The following TWIST2 variants were observed in gnomAD, a reference collection of about 807,000 sequenced individuals.
TWIST2 encodes the protein twist family bHLH transcription factor 2.
A neutral mutation model predicts 11.6 loss-of-function variants in TWIST2; 1 was observed. That is an observed-to-expected ratio of 0.09 (90% confidence interval 0.03 to 0.41). TWIST2 has a LOEUF of 0.41. TWIST2 is among the 10% of genes least tolerant of loss of function. The probability of loss-of-function intolerance (pLI) is 0.98; values close to 1 mark genes in which losing one functional copy is unlikely to be tolerated. For synonymous variants in TWIST2, 87 were observed against 96.6 expected (o/e 0.90, Z 0.58); for missense variants, 168 against 226.4 (o/e 0.74, Z 1.66).
At chr2:238,868,280 G>A (rs1692579663) in intron 1 of TWIST2, among the ~76,000 whole-genome samples, 1 of 152,188 alleles carries the variant, frequency 6.6e-6, no homozygotes, top group African/African-American at 2.4e-5. Context: ...ACAAGCTGGT[G>A]AGCTCCAGGT....
At chr2:238,905,950 C>CAT (rs1693344881) in intron 1 of TWIST2, among the ~76,000 whole-genome samples, 1 of 119,460 alleles carries the variant, frequency 8.4e-6, no homozygotes, top group African/African-American at 3.2e-5. Flanking sequence ...TGTGCGCGCG[C>CAT]GTGTGTACGT....
chr2:238,892,066 C>G (rs35291227), intron 1 of TWIST2, among the ~76,000 whole-genome samples: 27,021 of 152,132 alleles, frequency 0.18, 2,849 homozygotes, highest in African/African-American at 0.29. Context: ...CTGTTATGTG[C>G]CGGTGTGTGG....
chr2:238,899,222 G>A (rs1693241639), intron 1 of TWIST2, among the ~76,000 whole-genome samples: 1 of 152,228 alleles, frequency 6.6e-6, no homozygotes, highest in African/African-American at 2.4e-5. Flanking sequence ...GTTTCTCTCT[G>A]CTTTCTTCAT....
chr2:238,870,148 AC>A (rs1692626289), intron 1 of TWIST2, among the ~76,000 whole-genome samples: 1 of 108,406 alleles, frequency 9.2e-6, no homozygotes, highest in Non-Finnish European at 1.9e-5. Flanking sequence ...CACCCCATAC[AC>A]ACCACACCCC....
At chr2:238,875,707 C>T (rs925504959) in intron 1 of TWIST2, among the ~76,000 whole-genome samples, 3 of 152,176 alleles carry the variant, frequency 2.0e-5, no homozygotes, top group Non-Finnish European at 2.9e-5. Context: ...CAGACAAATT[C>T]CCATGATGTC....
rs1574768429 is a variant in TWIST2, at chr2:238,901,037, T to G, written c.*36-8805T>G. Among the ~76,000 whole-genome samples, 3 of 147,402 alleles carry G rather than the reference T, an allele frequency of 2.0e-5. No homozygotes were observed. The Admixed American group carries it at 2.0e-4, about 10-fold the overall frequency. ...CTCCATTGCCCAGGCTGGAGTACAG[T>G]GGCAATCTCAGCTCACTGCAACTTC... On this transcript the variant is annotated intron_variant, in intron 1 of 1. Transcript: ENST00000612363.
At chr2:238,894,867 C>T (rs1693189698) in intron 1 of TWIST2, among the ~76,000 whole-genome samples, 1 of 152,186 alleles carries the variant, frequency 6.6e-6, no homozygotes, top group Non-Finnish European at 1.5e-5. Flanking sequence ...CTTTTAATCT[C>T]TGTATTATAA....
At chr2:238,879,091 C>A (rs2106363468) in intron 1 of TWIST2, among the ~76,000 whole-genome samples, 1 of 152,376 alleles carries the variant, frequency 6.6e-6, no homozygotes, top group Admixed American at 6.5e-5. Flanking sequence ...GGCAAGCTGA[C>A]TGAGGTTGTC....
At chr2:238,862,092 G>A (rs1037742190) in intron 1 of TWIST2, among the ~76,000 whole-genome samples, 9 of 152,230 alleles carry the variant, frequency 5.9e-5, no homozygotes, top group Admixed American at 3.3e-4. Context: ...GGAACACAGC[G>A]GGACATCAGG....
chr2:238,906,450 A>G (rs1291425071), intron 1 of TWIST2, among the ~76,000 whole-genome samples: 2 of 151,760 alleles, frequency 1.3e-5, no homozygotes, highest in Non-Finnish European at 2.9e-5. Context: ...ACACACATAC[A>G]CATGCATACT....
chr2:238,901,321 C>CT (rs1693266746), intron 1 of TWIST2, among the ~76,000 whole-genome samples: 2 of 152,188 alleles, frequency 1.3e-5, no homozygotes, highest in Admixed American at 1.3e-4. Flanking sequence ...CAGGAGCACT[C>CT]TCTGATGTAT....
chr2:238,872,478 T>C (rs377531426), intron 1 of TWIST2, among the ~76,000 whole-genome samples: 1 of 152,192 alleles, frequency 6.6e-6, no homozygotes. Context: ...GTTGAGTGTC[T>C]TTTTGTTTGT....
At chr2:238,901,349 T>A (rs1693266987) in intron 1 of TWIST2, among the ~76,000 whole-genome samples, 2 of 152,372 alleles carry the variant, frequency 1.3e-5, no homozygotes, top group East Asian at 3.9e-4. Flanking sequence ...TCTTCATTTT[T>A]AAATTTTTTA....
intron 1 of TWIST2, among the ~76,000 whole-genome samples, chr2:238,852,401 A>G (rs986852733): frequency 6.6e-6 from 1 of 152,196 alleles, no homozygotes; most frequent in African/African-American, 2.4e-5. Context: ...ATGTGCTGCA[A>G]AAAGCAAACC....
intron 1 of TWIST2, among the ~76,000 whole-genome samples, chr2:238,905,900 TGTGC>T (rs1460975093): frequency 7.0e-4 from 84 of 119,908 alleles, no homozygotes; most frequent in African/African-American, 2.8e-3. Flanking sequence ...CATGCGCGTG[TGTGC>T]GTGTGTGTGC....
chr2:238,907,869 T>TAC (rs1192570999), intron 1 of TWIST2, among the ~76,000 whole-genome samples: 2 of 108,808 alleles, frequency 1.8e-5, no homozygotes, highest in Middle Eastern at 8.6e-3. Flanking sequence ...ACACACCACA[T>TAC]ACACACACAC....
In TWIST2 at chr2:238,848,718, G is replaced by T; in HGVS notation, c.*20G>T. ...CACTAGCGCCGCGCCACCCACCTCCGGACCGGCGCGCCAGGGTAGGTGCTG... is the reference window on the plus strand; with the variant it reads ...CACTAGCGCCGCGCCACCCACCTCCTGACCGGCGCGCCAGGGTAGGTGCTG... On this transcript the variant is annotated 3_prime_UTR_variant, in exon 1 of 2. Coordinates refer to ENST00000612363, the MANE Select transcript of TWIST2 (RefSeq NM_001271893.4). The T allele has an allele frequency of 6.8e-7, 1 of 1,480,196 alleles. No homozygotes were observed. The highest frequency in any genetic ancestry group is 9.0e-7 in the Non-Finnish European group (1 of 1,116,764). 91.7% of individuals were successfully genotyped at this position (1,480,196 alleles called of 1,614,324 possible).
chr2:238,900,258 G>A (rs952727210), intron 1 of TWIST2, among the ~76,000 whole-genome samples: 4 of 152,310 alleles, frequency 2.6e-5, no homozygotes, highest in Admixed American at 1.3e-4. Context: ...CCGACTGCCT[G>A]GTGACAGTCT....
chr2:238,905,998 T>C (rs1334847449), intron 1 of TWIST2, among the ~76,000 whole-genome samples: 2 of 102,368 alleles, frequency 2.0e-5, no homozygotes, highest in African/African-American at 4.1e-5. Context: ...TGCGCGTGTG[T>C]GCGTGTGCGT....
Sources: allele counts gnomAD v4.1 joint callset (sites outside exome capture counted in the v4.1 genomes callset), GRCh38; gene constraint gnomAD v4.1.1; transcripts MANE v1.5; gene names NCBI Gene and HGNC (gene_info 2026-07-23, HGNC 2026-07-21).